The following ZEB2 variants were observed in gnomAD, a reference collection of about 807,000 sequenced individuals.
The protein encoded by ZEB2 is zinc finger E-box-binding homeobox 2.
ZEB2 carries 6 observed loss-of-function variants against 99.9 expected under a neutral mutation model. That is an observed-to-expected ratio of 0.06 (90% CI 0.03 to 0.12). The LOEUF (loss-of-function observed/expected upper bound fraction) is 0.12. Ranked by LOEUF, ZEB2 falls within the 10% of genes least tolerant of loss-of-function variation. The pLI, the probability that ZEB2 is intolerant of heterozygous loss-of-function variation, is 1.00. For missense variants in ZEB2, 969 were observed against 1,502.8 expected (o/e 0.64, Z 5.87); for synonymous variants, 517 against 542.5 (o/e 0.95, Z 0.65).
intron 4 of ZEB2, among the ~76,000 whole-genome samples, chr2:144,422,445 C>A (rs1368296890): frequency 6.6e-6 from 1 of 152,204 alleles, no homozygotes; most frequent in Non-Finnish European, 1.5e-5. Flanking sequence ...TCGAATTCTA[C>A]CTCCTTCACA....
At chr2:144,452,330 G>A (rs1285839720) in intron 2 of ZEB2, among the ~76,000 whole-genome samples, 1 of 152,056 alleles carries the variant, frequency 6.6e-6, no homozygotes, top group Non-Finnish European at 1.5e-5. Flanking sequence ...GAAGTAAGGG[G>A]GGAAGCTCTG....
chr2:144,440,509 ATATATATTTTTTTTTT>A (rs1230578937), intron 2 of ZEB2, among the ~76,000 whole-genome samples: 9 of 28,956 alleles, frequency 3.1e-4, no homozygotes, highest in African/African-American at 9.6e-4. Context: ...ATATATATAT[ATATATATTTTTTTTTT>A]TTTTTTTTTT....
chr2:144,390,138 T>C, intron 9 of ZEB2, 110 bp from the exon 10 acceptor site: 4 of 1,137,560 alleles, frequency 3.5e-6, no homozygotes, highest in South Asian at 1.3e-5. Flanking sequence ...TACTTATGCC[T>C]GAAAGATCAA....
At chr2:144,446,916 T>C (rs959155863) in intron 2 of ZEB2, among the ~76,000 whole-genome samples, 19 of 150,476 alleles carry the variant, frequency 1.3e-4, no homozygotes, top group Middle Eastern at 6.9e-3. Flanking sequence ...CTGGGGAGGC[T>C]GAGGTGGGAG....
chr2:144,429,417 T>G (rs1470975018), intron 3 of ZEB2: 5 of 305,230 alleles, frequency 1.6e-5, no homozygotes, highest in Non-Finnish European at 3.2e-5. Flanking sequence ...ATGTTGTGAG[T>G]TTTTACATTT....
chr2:144,440,503 ATATATATATATATTTTTTTTTTTTTTTTT>A (rs1560625133), intron 2 of ZEB2, among the ~76,000 whole-genome samples: 1 of 39,076 alleles, frequency 2.6e-5, no homozygotes, highest in African/African-American at 1.3e-4. Context: ...ATATATATAT[ATATATATATATATTTTTTTTTTTTTTTTT>A]TTTTTTTTTT....
chr2:144,475,479 T>C (rs550802883), intron 2 of ZEB2, among the ~76,000 whole-genome samples: 1 of 152,328 alleles, frequency 6.6e-6, no homozygotes, highest in South Asian at 2.1e-4. Context: ...TATATATACA[T>C]ATACATATGT....
At chr2:144,496,608 T>A (rs577827940) in intron 2 of ZEB2, 1 of 152,338 alleles carries the variant, frequency 6.6e-6, no homozygotes, top group South Asian at 2.1e-4. Context: ...TGCTTGTAAT[T>A]CTAGAAATTC....
At chr2:144,417,671 CAGA>C (rs1187919818) in intron 4 of ZEB2, among the ~76,000 whole-genome samples, 1 of 152,076 alleles carries the variant, frequency 6.6e-6, no homozygotes, top group African/African-American at 2.4e-5. Context: ...AGGCTGATTC[CAGA>C]AGATGAGGAG....
intron 4 of ZEB2, among the ~76,000 whole-genome samples, chr2:144,422,772 C>A (rs1447475809): frequency 6.6e-6 from 1 of 152,122 alleles, no homozygotes; most frequent in Non-Finnish European, 1.5e-5. Flanking sequence ...TGCACTCCAG[C>A]CTGGGTGACA....
rs147972125 is a variant in ZEB2, at chr2:144,396,596, C to T, written c.2887-4G>A. 5.3e-4 allele frequency: 852 copies of T among 1,612,822 alleles called. 7 individuals carry two copies. In the Admixed American group the frequency reaches 0.012, roughly 22 times the overall value. On this transcript the variant is annotated splice_polypyrimidine_tract_variant and splice_region_variant and intron_variant, in intron 8 of 9. Transcript: ENST00000627532. ...GTGCTCCATCAAGCAATTCTCCCTGCGATAGAATCACACAGTTCAATACAG... is the reference window on the plus strand; with the variant it reads ...GTGCTCCATCAAGCAATTCTCCCTGTGATAGAATCACACAGTTCAATACAG...
chr2:144,482,502 T>C (rs998503405), intron 2 of ZEB2, among the ~76,000 whole-genome samples: 4 of 152,244 alleles, frequency 2.6e-5, no homozygotes, highest in Non-Finnish European at 5.9e-5. Flanking sequence ...GGTGTTGTGA[T>C]GAAAATTTAC....
intron 9 of ZEB2, among the ~76,000 whole-genome samples, chr2:144,392,999 C>T (rs899039230): frequency 7.9e-5 from 12 of 152,124 alleles, no homozygotes; most frequent in Admixed American, 1.3e-4. Context: ...AAAGTAGAAA[C>T]ATTTGTATTA....
At chr2:144,496,886 A>C (rs1444322402) in intron 2 of ZEB2, 1 of 152,006 alleles carries the variant, frequency 6.6e-6, no homozygotes, top group Non-Finnish European at 1.5e-5. Context: ...TAATTATGTC[A>C]CTCTTCTATA....
Position 144,485,496 on chromosome 2 carries a change from G to A in ZEB2, c.73+31782C>T, listed in dbSNP as rs1160878590. ...CACTTACCTATGCTAGTGTTTGGAT[G>A]AGCAGAAACATTTACATACTTGGAA... On this transcript the variant is annotated intron_variant, in intron 2 of 9. Coordinates refer to ENST00000627532, the MANE Select transcript of ZEB2 (RefSeq NM_014795.4). Among the ~76,000 whole-genome samples, 4 of 152,288 alleles carry A rather than the reference G, an allele frequency of 2.6e-5. No individual in the cohort carries two copies. The East Asian group carries it at 7.7e-4, about 29-fold the overall frequency.
intron 4 of ZEB2, among the ~76,000 whole-genome samples, chr2:144,411,123 TACACACACACAC>T (rs3073686): frequency 8.5e-6 from 1 of 117,584 alleles, no homozygotes; most frequent in African/African-American, 3.2e-5. Flanking sequence ...ATCTCATATA[TACACACACACAC>T]ACACACACAC....
chr2:144,464,702 C>T (rs541002836), intron 2 of ZEB2, among the ~76,000 whole-genome samples: 1 of 152,238 alleles, frequency 6.6e-6, no homozygotes, highest in Admixed American at 6.5e-5. Flanking sequence ...TCAGTACACA[C>T]AGTACACAAG....
At chr2:144,404,152 A>G in intron 5 of ZEB2, 22 bp from the exon 6 acceptor site, 1 of 1,613,238 alleles carries the variant, frequency 6.2e-7, no homozygotes, top group Non-Finnish European at 8.5e-7. Context: ...AGACAGAGAG[A>G]GAGAGAAGCG....
chr2:144,457,222 T>C (rs1704132737), intron 2 of ZEB2, among the ~76,000 whole-genome samples: 1 of 152,130 alleles, frequency 6.6e-6, no homozygotes, highest in African/African-American at 2.4e-5. Context: ...TTAATAGACA[T>C]TTTTCCACTT....
Sources: gnomAD v4.1 joint callset for allele counts (sites outside exome capture counted in the v4.1 genomes callset) on GRCh38, gnomAD v4.1.1 for gene constraint, MANE v1.5 for transcripts, NCBI Gene and HGNC (gene_info 2026-07-23, HGNC 2026-07-21) for gene names.